The following GRID2 variants were observed in gnomAD, a reference collection of about 807,000 sequenced individuals.
GRID2 encodes glutamate ionotropic receptor delta type subunit 2.
A neutral mutation model predicts 114.8 loss-of-function variants in GRID2; 33 were observed. That is an observed-to-expected ratio of 0.29 (90% CI 0.22 to 0.38). The LOEUF (loss-of-function observed/expected upper bound fraction) is 0.38. Among genes scored for constraint, GRID2 ranks in the 10% least tolerant of loss-of-function variants. The pLI, the probability that GRID2 is intolerant of heterozygous loss-of-function variation, is 1.00. For missense variants in GRID2, 1,184 were observed against 1,257.7 expected (o/e 0.94, Z 0.89); for synonymous variants, 505 against 449.9 (o/e 1.12, Z -1.55).
chr4:93,029,805 T>G (rs1490006817), intron 2 of GRID2, among the ~76,000 whole-genome samples: 2 of 152,198 alleles, frequency 1.3e-5, no homozygotes, highest in Admixed American at 1.3e-4. Flanking sequence ...AAAAATTGCC[T>G]GATTAGCTTC....
At chr4:92,948,998 G>A (rs572616938) in intron 2 of GRID2, among the ~76,000 whole-genome samples, 90 of 151,430 alleles carry the variant, frequency 5.9e-4, no homozygotes, top group Middle Eastern at 3.4e-3. Flanking sequence ...GTGTGGGCTC[G>A]TGTGGGTTTG....
chr4:92,842,598 T>G (rs1742988428), intron 2 of GRID2, among the ~76,000 whole-genome samples: 3 of 152,158 alleles, frequency 2.0e-5, no homozygotes, highest in Admixed American at 2.0e-4. Flanking sequence ...CATCTCCTTT[T>G]AGATAGTAGG....
intron 8 of GRID2, among the ~76,000 whole-genome samples, chr4:93,299,026 A>T (rs1188517958): frequency 6.6e-6 from 1 of 152,232 alleles, no homozygotes; most frequent in Non-Finnish European, 1.5e-5. Flanking sequence ...GAAAAAATGT[A>T]GTTATGATAG....
In GRID2 at chr4:92,435,522, T is replaced by C. The variant is rs139118098; in HGVS notation, c.88+130778T>C. On this transcript the variant is annotated intron_variant, in intron 1 of 15. Coordinates refer to ENST00000282020, the MANE Select transcript of GRID2 (RefSeq NM_001510.4). Reference sequence around the variant, plus strand: ...ATACCCTACTTGAGTCTGTCTGGAATGAGACCCTGTCTGGAATACAATAAA... The same window carrying C: ...ATACCCTACTTGAGTCTGTCTGGAACGAGACCCTGTCTGGAATACAATAAA... Among the ~76,000 whole-genome samples, 277 of 152,314 alleles carry C rather than the reference T, an allele frequency of 1.8e-3. 4 individuals are homozygous for C. The highest frequency in any genetic ancestry group is 6.2e-3 in the African/African-American group (257 of 41,578).
intron 2 of GRID2, among the ~76,000 whole-genome samples, chr4:92,879,192 C>T (rs1170543167): frequency 1.3e-5 from 2 of 151,988 alleles, no homozygotes; most frequent in Non-Finnish European, 2.9e-5. Flanking sequence ...ATGATACTAT[C>T]TTTCTAAGTA....
Position 93,422,943 on chromosome 4 carries a change from G to A in GRID2, c.1520G>A (p.Gly507Asp). The A allele has an allele frequency of 6.2e-7, 1 of 1,611,570 alleles. No homozygotes were observed. The highest frequency in any genetic ancestry group is 8.5e-7 in the Non-Finnish European group (1 of 1,177,746). ...CCACAAGAAGATGGGACATGGAATG[G>A]CTTGGTAGGAGAACTTGTCTTTAAG... ...GSPQEDGTWNGLVGELVFKRA... is the reference protein window; with the variant it reads ...GSPQEDGTWNDLVGELVFKRA... The change falls in exon 10 of 16, where the codon GGC becomes GAC. Residue 507 changes from glycine (G) to aspartate (D), a missense_variant. By Grantham distance (94) the Gly-to-Asp change is moderately conservative (BLOSUM62 -1). Coordinates refer to ENST00000282020, the MANE Select transcript of GRID2 (RefSeq NM_001510.4).
intron 4 of GRID2, among the ~76,000 whole-genome samples, chr4:93,194,589 G>T (rs1741298942): frequency 6.6e-6 from 1 of 152,096 alleles, no homozygotes; most frequent in Non-Finnish European, 1.5e-5. Flanking sequence ...AGCTCATTTA[G>T]AACAGGACAA....
chr4:92,439,084 T>G (rs1732880538), intron 1 of GRID2, among the ~76,000 whole-genome samples: 1 of 151,732 alleles, frequency 6.6e-6, no homozygotes, highest in Non-Finnish European at 1.5e-5. Context: ...TGGGGCCGTT[T>G]TACAGGATTT....
chr4:92,329,652 A>G (rs1459365683), intron 1 of GRID2, among the ~76,000 whole-genome samples: 1 of 152,076 alleles, frequency 6.6e-6, no homozygotes, highest in Non-Finnish European at 1.5e-5. Flanking sequence ...GAATATCTAC[A>G]TATGCCCTGG....
intron 4 of GRID2, among the ~76,000 whole-genome samples, chr4:93,167,599 A>G (rs574584032): frequency 7.2e-5 from 11 of 152,178 alleles, no homozygotes; most frequent in Non-Finnish European, 1.6e-4. Flanking sequence ...ATAAAAGAGT[A>G]ATGAAGGATG....
intron 14 of GRID2, among the ~76,000 whole-genome samples, chr4:93,760,722 A>G (rs1372056685): frequency 1.3e-5 from 2 of 152,236 alleles, no homozygotes; most frequent in Non-Finnish European, 2.9e-5. Flanking sequence ...CTGGTCACAC[A>G]TAATTAAAAA....
chr4:92,801,068 T>A (rs1485033577), intron 2 of GRID2, among the ~76,000 whole-genome samples: 12 of 152,022 alleles, frequency 7.9e-5, no homozygotes, highest in Non-Finnish European at 7.4e-5. Context: ...TCATTGAGTA[T>A]TGTTGCAATG....
At chr4:92,634,558 AAG>A (rs369587094) in intron 2 of GRID2, among the ~76,000 whole-genome samples, 15 of 152,258 alleles carry the variant, frequency 9.9e-5, no homozygotes, top group African/African-American at 3.6e-4. Flanking sequence ...AAAAAATACT[AAG>A]AGGCAAATTA....
At chr4:92,547,047 T>C (rs950415224) in intron 1 of GRID2, among the ~76,000 whole-genome samples, 1 of 152,182 alleles carries the variant, frequency 6.6e-6, no homozygotes, top group African/African-American at 2.4e-5. Flanking sequence ...CTTACTCTTG[T>C]ATCCTTTGAG....
chr4:92,815,105 A>T (rs937876293), intron 2 of GRID2, among the ~76,000 whole-genome samples: 1 of 152,186 alleles, frequency 6.6e-6, no homozygotes, highest in African/African-American at 2.4e-5. Flanking sequence ...CTTACAAGAT[A>T]GAAATACATT....
chr4:92,823,788 T>C (rs887925012), intron 2 of GRID2, among the ~76,000 whole-genome samples: 2 of 152,134 alleles, frequency 1.3e-5, no homozygotes, highest in African/African-American at 4.8e-5. Context: ...TTACCATGGA[T>C]ACAAAAATGG....
chr4:92,789,736 T>C (rs1378582655), intron 2 of GRID2, among the ~76,000 whole-genome samples: 1 of 151,952 alleles, frequency 6.6e-6, no homozygotes, highest in African/African-American at 2.4e-5. Flanking sequence ...AGTACAATAT[T>C]TGATGTCCTT....
At chr4:92,509,599 T>C (rs1321714971) in intron 1 of GRID2, among the ~76,000 whole-genome samples, 2 of 151,886 alleles carry the variant, frequency 1.3e-5, no homozygotes, top group African/African-American at 2.4e-5. Context: ...GTGTATTAGA[T>C]TGTGATAAGT....
chr4:92,418,073 C>T (rs555576058), intron 1 of GRID2, among the ~76,000 whole-genome samples: 1 of 152,186 alleles, frequency 6.6e-6, no homozygotes, highest in East Asian at 1.9e-4. Context: ...GAGACTAATA[C>T]AGTTATACAT....
Sources: gnomAD v4.1 joint callset for allele counts (sites outside exome capture counted in the v4.1 genomes callset) on GRCh38, gnomAD v4.1.1 for gene constraint, MANE v1.5 for transcripts, NCBI Gene and HGNC (gene_info 2026-07-23, HGNC 2026-07-21) for gene names.